ASB4: variants seen among roughly 807,000 people sequenced by gnomAD.
ASB4 encodes ankyrin repeat and SOCS box protein 4.
In ASB4, 35 loss-of-function variants were observed where a neutral mutation model predicts 38.6. The observed-to-expected ratio is 0.91, with a 90% CI of 0.69 to 1.20. ASB4 has a LOEUF of 1.20. ASB4 is among the 50% of genes most tolerant of loss of function. The pLI, the probability that ASB4 is intolerant of heterozygous loss-of-function variation, is 0.00. For missense variants in ASB4, 557 were observed against 527.2 expected (o/e 1.06, Z -0.55); for synonymous variants, 195 against 201.3 (o/e 0.97, Z 0.26).
chr7:95,527,000 G>A (rs1338521327), intron 2 of ASB4, among the ~76,000 whole-genome samples: 1 of 152,132 alleles, frequency 6.6e-6, no homozygotes, highest in Non-Finnish European at 1.5e-5. Context: ...GTAATTCTAA[G>A]GAGCTTTCCA....
In ASB4 at chr7:95,502,339, T is replaced by C. The variant is rs556432391; in HGVS notation, c.487+6282T>C. 1.3e-4 allele frequency among the ~76,000 whole-genome samples: 19 copies of C among 144,754 alleles called. No individual in the cohort carries two copies. In the East Asian group the frequency reaches 1.9e-3, roughly 14 times the overall value. The allele number at this position is 144,754 out of a possible 152,430, so 95.0% of individuals were successfully genotyped here. ...AGATAATACATATATGACAAACACA[T>C]AGGGAAGTGCTCTTACACACGCTTA... On this transcript the variant is annotated intron_variant, in intron 2 of 4. Transcript: ENST00000325885.
In ASB4 at chr7:95,539,714, G is replaced by T. The variant is rs1790943898; in HGVS notation, c.*1955G>T. ...GCAAAGACATCCAGAGTGATATAAT[G>T]GACTATGGGGACTTGCAAGGGGAAG... is the stretch of plus-strand genomic sequence containing the variant. On this transcript the variant is annotated 3_prime_UTR_variant, in exon 5 of 5. Transcript: ENST00000325885. 6.6e-6 allele frequency: 1 copy of T among 152,268 alleles called. No homozygotes were observed. The highest frequency in any genetic ancestry group is 1.5e-5 in the Non-Finnish European group (1 of 68,166). 9.4% of individuals were successfully genotyped at this position (152,268 alleles called of 1,614,324 possible). A position where few individuals can be genotyped will look rare whatever the true frequency, so the allele number is the denominator to read the frequency against.
In ASB4 at chr7:95,539,142, CA is replaced by C. The variant is rs1790937078; in HGVS notation, c.*1384del. 1 of 152,050 alleles carries C rather than the reference CA, an allele frequency of 6.6e-6. No homozygotes were observed. Among genetic ancestry groups the C allele is most frequent in the East Asian group, 1.9e-4 (1 of 5,194 alleles). The allele number at this position is 152,050 out of a possible 1,614,324, so 9.4% of individuals were successfully genotyped here. A position where few individuals can be genotyped will look rare whatever the true frequency, so the allele number is the denominator to read the frequency against. The stretch of plus-strand genomic sequence containing the variant: ...TAGCATCATTTTTTAGAGGTTAAAG[CA>C]GAAGTAAATTGCAAACAAATCTGTC... On this transcript the variant is annotated 3_prime_UTR_variant, in exon 5 of 5. Transcript: ENST00000325885.
intron 2 of ASB4, among the ~76,000 whole-genome samples, chr7:95,527,479 A>G (rs1425894058): frequency 6.6e-6 from 1 of 152,260 alleles, no homozygotes; most frequent in Non-Finnish European, 1.5e-5. Context: ...ATGTTGATTA[A>G]GAAGATTTAG....
chr7:95,512,615 G>A (rs570783479), intron 2 of ASB4, among the ~76,000 whole-genome samples: 74 of 152,178 alleles, frequency 4.9e-4, no homozygotes, highest in Non-Finnish European at 9.7e-4. Context: ...AAGATACAAA[G>A]GTACATAAAA....
the ASB4 span, among the ~76,000 whole-genome samples, chr7:95,546,454 T>A: frequency 6.6e-6 from 1 of 152,216 alleles, no homozygotes; most frequent in Admixed American, 6.5e-5. Context: ...CAAGGTTGAC[T>A]CATTGAACAT....
downstream of ASB4, among the ~76,000 whole-genome samples, chr7:95,540,721 C>A (rs1236935618): frequency 1.3e-5 from 2 of 152,186 alleles, no homozygotes; most frequent in African/African-American, 4.8e-5. Flanking sequence ...AGGGAAAGAT[C>A]ACCTATCTTG....
intron 2 of ASB4, among the ~76,000 whole-genome samples, chr7:95,513,905 T>C (rs1183174212): frequency 1.3e-5 from 2 of 152,212 alleles, no homozygotes; most frequent in Non-Finnish European, 2.9e-5. Context: ...TTCTGGTCCA[T>C]TTCTCTAATT....
At chr7:95,515,161 CTCTTTCTCTTTCTTTCTT>C (rs1314768983) in intron 2 of ASB4, among the ~76,000 whole-genome samples, 34 of 125,918 alleles carry the variant, frequency 2.7e-4, no homozygotes, top group South Asian at 5.2e-4. Context: ...TTCTTTCTTT[CTCTTTCTCTTTCTTTCTT>C]TCTTTCTTTC....
chr7:95,490,498 A>G (rs548790546), intron 1 of ASB4, among the ~76,000 whole-genome samples: 1 of 152,366 alleles, frequency 6.6e-6, no homozygotes, highest in Admixed American at 6.5e-5. Context: ...GTGTAAATAC[A>G]TGGACACAGG....
intron 2 of ASB4, among the ~76,000 whole-genome samples, chr7:95,504,284 T>C (rs1035404057): frequency 2.0e-5 from 3 of 152,194 alleles, no homozygotes; most frequent in Non-Finnish European, 4.4e-5. Context: ...ATGGGGGCAA[T>C]GTAAAGGGGA....
At position 95,478,828 on chromosome 7, in the gene ASB4, C is replaced by G. The variant is rs139923171; in HGVS notation, n.157+228C>G. 1.1e-3 allele frequency among the ~76,000 whole-genome samples: 165 copies of G among 152,266 alleles called. 2 individuals carry two copies. The highest frequency in any genetic ancestry group is 3.2e-3 in the African/African-American group (131 of 41,548). On this transcript the variant is annotated intron_variant and non_coding_transcript_variant, in intron 1 of 1. Coordinates refer to the ASB4 transcript ENST00000257621. Reference sequence around the variant, plus strand: ...TCTGCCATTTGTGAGGATTGTTGAACAGATTTTATGTTAAACACACATGCT... The same window carrying G: ...TCTGCCATTTGTGAGGATTGTTGAAGAGATTTTATGTTAAACACACATGCT...
intron 1 of ASB4, among the ~76,000 whole-genome samples, chr7:95,490,934 GC>G (rs1396792786): frequency 1.3e-5 from 2 of 152,222 alleles, no homozygotes; most frequent in African/African-American, 4.8e-5. Context: ...ACTGCATGTA[GC>G]CTTCGGATCA....
At chr7:95,536,391 C>A in intron 3 of ASB4, 46 bp from the exon 4 acceptor site, 1 of 1,229,320 alleles carries the variant, frequency 8.1e-7, no homozygotes, top group Non-Finnish European at 1.2e-6. Flanking sequence ...AATGAATGAA[C>A]CATATATGTG....
chr7:95,499,221 T>G (rs970880082), intron 2 of ASB4, among the ~76,000 whole-genome samples: 11 of 152,202 alleles, frequency 7.2e-5, no homozygotes, highest in African/African-American at 2.7e-4. Context: ...TCAGAATTGT[T>G]GGCCTATAGA....
chr7:95,521,792 G>T (rs1008518690), intron 2 of ASB4, among the ~76,000 whole-genome samples: 1 of 147,078 alleles, frequency 6.8e-6, no homozygotes, highest in Non-Finnish European at 1.5e-5. Context: ...CAAAATAATA[G>T]TATATTTTTT....
chr7:95,485,880 G>A (rs993657217), upstream of ASB4: 27 of 1,107,650 alleles, frequency 2.4e-5, no homozygotes, highest in African/African-American at 3.2e-5. Context: ...GATAAAATTA[G>A]CCGACAGTTT....
chr7:95,544,304 C>G (rs1322355097), downstream of ASB4: 1 of 152,184 alleles, frequency 6.6e-6, no homozygotes, highest in Admixed American at 6.5e-5. Context: ...AAATTATTCA[C>G]TGAAGCACTG....
At chr7:95,520,124 ATATGC>A (rs1219163175) in intron 2 of ASB4, among the ~76,000 whole-genome samples, 1 of 152,206 alleles carries the variant, frequency 6.6e-6, no homozygotes, top group African/African-American at 2.4e-5. Context: ...ATATTCAATG[ATATGC>A]TATATCCCTG....
Sources: gnomAD v4.1 joint callset for allele counts (sites outside exome capture counted in the v4.1 genomes callset) on GRCh38, gnomAD v4.1.1 for gene constraint, MANE v1.5 for transcripts, NCBI Gene and HGNC (gene_info 2026-07-23, HGNC 2026-07-21) for gene names.